Variants in CCSER1 observed in about 807,000 individuals in gnomAD.
The protein encoded by CCSER1 is serine-rich coiled-coil domain-containing protein 1.
Under a neutral mutation model 82.0 loss-of-function variants are expected in CCSER1, and 41 were observed. The ratio of observed to expected loss-of-function variants is 0.50; its 90% CI spans 0.39 to 0.65. The LOEUF is 0.65. Ranked by LOEUF, CCSER1 falls within the 30% of genes least tolerant of loss-of-function variation. The probability of loss-of-function intolerance (pLI) is 0.00; values close to 1 mark genes in which losing one functional copy is unlikely to be tolerated. For missense variants in CCSER1, 1,119 were observed against 1,064.2 expected, an observed-to-expected ratio of 1.05 and a Z score of -0.72; for synonymous variants, 414 against 383.9, an observed-to-expected ratio of 1.08 and a Z score of -0.92.
rs1255523008 is a variant in CCSER1, at chr4:90,426,127, T to C, written c.1603+25998T>C. 2.6e-5 allele frequency among the ~76,000 whole-genome samples: 4 copies of C among 152,248 alleles called. No individual in the cohort carries two copies. The East Asian group carries it at 7.7e-4, about 29-fold the overall frequency. On this transcript the variant is annotated intron_variant, in intron 4 of 10. Transcript: ENST00000509176. ...GGTAGGACTTCACAGAGGCCCAACA[T>C]TCCTTGGCAGAGTAGGGAGTCAGTG...
At chr4:91,077,711 C>A (rs1722157043) in intron 9 of CCSER1, among the ~76,000 whole-genome samples, 2 of 152,202 alleles carry the variant, frequency 1.3e-5, no homozygotes, top group Non-Finnish European at 2.9e-5. Context: ...GAAGCCCTGA[C>A]AGAGGGCACT....
At chr4:91,116,377 A>G (rs1029498778) in intron 10 of CCSER1, among the ~76,000 whole-genome samples, 1 of 152,204 alleles carries the variant, frequency 6.6e-6, no homozygotes, top group African/African-American at 2.4e-5. Context: ...ATTTAGTAAA[A>G]GAGTAACAGG....
chr4:90,542,990 T>C (rs1224174709), intron 5 of CCSER1, among the ~76,000 whole-genome samples: 2 of 152,128 alleles, frequency 1.3e-5, no homozygotes, highest in Non-Finnish European at 2.9e-5. Context: ...AAAATCCTTA[T>C]TTTTTAAAAT....
intron 10 of CCSER1, among the ~76,000 whole-genome samples, chr4:91,347,866 T>C (rs1159251381): frequency 6.6e-6 from 1 of 151,902 alleles, no homozygotes; most frequent in Non-Finnish European, 1.5e-5. Flanking sequence ...CAGTAGTTTT[T>C]TTTTTGTCAA....
At chr4:91,191,860 A>G (rs1735021847) in intron 10 of CCSER1, among the ~76,000 whole-genome samples, 6 of 152,166 alleles carry the variant, frequency 3.9e-5, no homozygotes. Flanking sequence ...ATCTTCTTTT[A>G]GTAAATTCCT....
rs1742058279 is a variant in CCSER1 at position 90,221,077 on chromosome 4, G to A, written c.-41-87167G>A. Among the ~76,000 whole-genome samples, 3 of 151,958 alleles carry A rather than the reference G, an allele frequency of 2.0e-5. 1 individual carries two copies. The highest frequency in any genetic ancestry group is 2.0e-4 in the Admixed American group (3 of 15,250). On this transcript the variant is annotated intron_variant, in intron 1 of 10. Coordinates refer to ENST00000509176, the MANE Select transcript of CCSER1 (RefSeq NM_001145065.2). ...TATCTTTATGTCATTTAATAAGCAAGGAATCATTATTTTGACAATAAAAAA... is the reference window on the plus strand; with the variant it reads ...TATCTTTATGTCATTTAATAAGCAAAGAATCATTATTTTGACAATAAAAAA...
At chr4:90,144,141 C>T (rs1193600351) in intron 1 of CCSER1, among the ~76,000 whole-genome samples, 1 of 152,238 alleles carries the variant, frequency 6.6e-6, no homozygotes, top group African/African-American at 2.4e-5. Context: ...GCTTTTTTCT[C>T]TCAAAATTTG....
At chr4:90,821,005 A>G (rs1396974762) in intron 8 of CCSER1, among the ~76,000 whole-genome samples, 1 of 152,156 alleles carries the variant, frequency 6.6e-6, no homozygotes, top group South Asian at 2.1e-4. Flanking sequence ...AAGAATTTCA[A>G]TGTGTTTAAT....
intron 1 of CCSER1, among the ~76,000 whole-genome samples, chr4:90,193,930 G>T (rs1436832866): frequency 6.6e-6 from 1 of 152,010 alleles, no homozygotes; most frequent in Non-Finnish European, 1.5e-5. Context: ...AACATATTTG[G>T]TGGGCAAGAT....
intron 10 of CCSER1, among the ~76,000 whole-genome samples, chr4:91,374,734 G>A (rs542230501): frequency 1.7e-3 from 259 of 152,300 alleles, no homozygotes; most frequent in African/African-American, 5.9e-3. Flanking sequence ...GATGGCTCAC[G>A]CCTGTAATCC....
intron 6 of CCSER1, among the ~76,000 whole-genome samples, chr4:90,692,410 C>T (rs1346785342): frequency 6.6e-6 from 1 of 151,720 alleles, no homozygotes; most frequent in East Asian, 1.9e-4. Context: ...TGATTGTGTT[C>T]CATTGTTGCA....
chr4:90,199,347 T>G (rs1398540197), intron 1 of CCSER1, among the ~76,000 whole-genome samples: 1 of 152,166 alleles, frequency 6.6e-6, no homozygotes, highest in African/African-American at 2.4e-5. Flanking sequence ...ACTTTTTCTC[T>G]AAATGAAGAA....
At chr4:90,772,888 A>C (rs1226355357) in intron 7 of CCSER1, among the ~76,000 whole-genome samples, 1 of 152,200 alleles carries the variant, frequency 6.6e-6, no homozygotes, top group Non-Finnish European at 1.5e-5. Flanking sequence ...TCTAATGAAT[A>C]ATCTGTGTTG....
At chr4:90,573,373 G>A (rs1780342639) in intron 5 of CCSER1, among the ~76,000 whole-genome samples, 1 of 152,192 alleles carries the variant, frequency 6.6e-6, no homozygotes, top group Non-Finnish European at 1.5e-5. Context: ...GGGACTATAG[G>A]GATATCCCTA....
At chr4:91,383,466 C>A (rs1751070040) in intron 10 of CCSER1, among the ~76,000 whole-genome samples, 1 of 151,926 alleles carries the variant, frequency 6.6e-6, no homozygotes, top group South Asian at 2.1e-4. Context: ...AAAGCCTCAA[C>A]TTTGGGGCAA....
chr4:91,173,940 C>T (rs1426446855), intron 10 of CCSER1, among the ~76,000 whole-genome samples: 1 of 151,952 alleles, frequency 6.6e-6, no homozygotes, highest in Middle Eastern at 3.2e-3. Context: ...GTCAATTTTC[C>T]AATAGTCTTA....
intron 4 of CCSER1, among the ~76,000 whole-genome samples, chr4:90,445,477 C>A (rs10022049): frequency 6.6e-6 from 1 of 151,990 alleles, no homozygotes; most frequent in African/African-American, 2.4e-5. Context: ...TATGCTCATG[C>A]CTTATTTAGA....
At chr4:91,289,968 T>C (rs146270262) in intron 10 of CCSER1, among the ~76,000 whole-genome samples, 1 of 152,016 alleles carries the variant, frequency 6.6e-6, no homozygotes, top group African/African-American at 2.4e-5. Context: ...CTGAAGGTAA[T>C]CTGAAGAGGG....
chr4:90,714,627 T>C (rs56981773), intron 6 of CCSER1, among the ~76,000 whole-genome samples: 21,501 of 151,882 alleles, frequency 0.14, 2,248 homozygotes, highest in African/African-American at 0.29. Context: ...CCTCCAAGTA[T>C]CTATATAGCA....
Sources: gnomAD v4.1 joint callset for allele counts (sites outside exome capture counted in the v4.1 genomes callset) on GRCh38, gnomAD v4.1.1 for gene constraint, MANE v1.5 for transcripts, NCBI Gene and HGNC (gene_info 2026-07-23, HGNC 2026-07-21) for gene names.